The following MLLT10 variants were observed in gnomAD, a reference collection of about 807,000 sequenced individuals.
MLLT10 encodes the protein protein AF-10.
MLLT10 carries 30 observed loss-of-function variants against 129.1 expected under a neutral mutation model. The observed-to-expected ratio is 0.23, with a 90% CI of 0.17 to 0.32. The LOEUF is 0.32. Among genes scored for constraint, MLLT10 ranks in the 10% least tolerant of loss-of-function variants. The pLI, the probability that MLLT10 is intolerant of heterozygous loss-of-function variation, is 1.00. For missense variants in MLLT10, 1,119 were observed against 1,268.3 expected, an observed-to-expected ratio of 0.88 and a Z score of 1.79; for synonymous variants, 490 against 446.4, an observed-to-expected ratio of 1.10 and a Z score of -1.23.
chr10:21,665,177 C>T (rs1457289440), intron 9 of MLLT10, among the ~76,000 whole-genome samples: 1 of 151,648 alleles, frequency 6.6e-6, no homozygotes, highest in Non-Finnish European at 1.5e-5. Flanking sequence ...AACTCTTGGC[C>T]TCAAGTGATC....
chr10:21,629,228 C>G (rs2131260420), intron 8 of MLLT10, among the ~76,000 whole-genome samples: 1 of 152,092 alleles, frequency 6.6e-6, no homozygotes, highest in Middle Eastern at 3.4e-3. Flanking sequence ...ATAGCCTGGC[C>G]TCGGAAGTCA....
intron 22 of MLLT10, among the ~76,000 whole-genome samples, chr10:21,741,227 T>C (rs890520193): frequency 1.3e-5 from 2 of 152,162 alleles, no homozygotes; most frequent in Non-Finnish European, 2.9e-5. Context: ...TCTGCTGACA[T>C]GGACAGTTTT....
At chr10:21,707,174 C>G (rs2055594103) in intron 13 of MLLT10, among the ~76,000 whole-genome samples, 1 of 150,928 alleles carries the variant, frequency 6.6e-6, no homozygotes. Flanking sequence ...TCTAATTTGT[C>G]ATCAAGTTTA....
intron 3 of MLLT10, among the ~76,000 whole-genome samples, chr10:21,540,033 T>C (rs1283020369): frequency 6.6e-6 from 1 of 151,982 alleles, no homozygotes; most frequent in African/African-American, 2.4e-5. Flanking sequence ...GGCAGGAGGA[T>C]TGCTTGAGTC....
At chr10:21,713,642 T>G (rs1223033614) in intron 13 of MLLT10, 130 bp from the exon 14 acceptor site, 5 of 770,306 alleles carry the variant, frequency 6.5e-6, no homozygotes, top group Non-Finnish European at 9.8e-6. Context: ...GCACAATATT[T>G]TTTAAACAGC....
chr10:21,580,334 G>A (rs185249797), intron 3 of MLLT10, among the ~76,000 whole-genome samples: 1 of 151,256 alleles, frequency 6.6e-6, no homozygotes, highest in Admixed American at 6.6e-5. Flanking sequence ...ATAGAGAAAA[G>A]AAATCACTCA....
chr10:21,668,300 T>C (rs2183271), intron 9 of MLLT10, among the ~76,000 whole-genome samples: 61,669 of 151,916 alleles, frequency 0.41, 13,772 homozygotes, highest in African/African-American at 0.57. Context: ...TCCCACCTCC[T>C]TCTGGTCTCC....
At chr10:21,637,966 C>A (rs947463497) in intron 8 of MLLT10, among the ~76,000 whole-genome samples, 2 of 152,124 alleles carry the variant, frequency 1.3e-5, no homozygotes, top group South Asian at 2.1e-4. Context: ...ACCCCTGGTA[C>A]CTTTGAGTCC....
intron 12 of MLLT10, among the ~76,000 whole-genome samples, chr10:21,681,907 C>T (rs1311732308): frequency 6.6e-6 from 1 of 152,030 alleles, no homozygotes; most frequent in Non-Finnish European, 1.5e-5. Context: ...TCACTTTTAG[C>T]AAGACATTAC....
intron 7 of MLLT10, 40 bp from the exon 8 acceptor site, chr10:21,617,072 A>G (rs765997359): frequency 2.1e-6 from 2 of 943,772 alleles, no homozygotes. Context: ...AAAAAGTTTT[A>G]TATACATATA....
chr10:21,621,024 G>C (rs906738351), intron 8 of MLLT10, among the ~76,000 whole-genome samples: 1 of 151,422 alleles, frequency 6.6e-6, no homozygotes, highest in Non-Finnish European at 1.5e-5. Context: ...TTGCTCTGTT[G>C]CCTAGGCTGG....
intron 9 of MLLT10, among the ~76,000 whole-genome samples, chr10:21,660,307 C>G (rs1232870112): frequency 6.9e-6 from 1 of 144,606 alleles, no homozygotes; most frequent in African/African-American, 2.5e-5. Context: ...TTAATTGGCT[C>G]TTCTTTTTCT....
intron 9 of MLLT10, among the ~76,000 whole-genome samples, chr10:21,667,823 C>G (rs952293053): frequency 6.6e-6 from 1 of 151,918 alleles, no homozygotes; most frequent in Admixed American, 6.6e-5. Context: ...AATTTTGGAT[C>G]TAGTTTTAAA....
chr10:21,668,925 A>G, intron 9 of MLLT10: 3 of 1,277,030 alleles, frequency 2.3e-6, no homozygotes, highest in Non-Finnish European at 3.0e-6. Context: ...AGGTCATGCA[A>G]GGATCAGATG....
intron 15 of MLLT10, 147 bp downstream of exon 15, chr10:21,726,502 G>A: frequency 2.0e-6 from 1 of 505,588 alleles, no homozygotes; most frequent in East Asian, 3.1e-5. Flanking sequence ...GTTGGAAAAT[G>A]TTAAATATTT....
At chr10:21,673,316 A>ACCG in intron 10 of MLLT10, 34 bp from the exon 11 acceptor site, 1 of 119,778 alleles carries the variant, frequency 8.3e-6, no homozygotes, top group Non-Finnish European at 1.3e-5. Flanking sequence ...CCCACCCCCC[A>ACCG]ACTTTTTTTT....
chr10:21,679,986 G>A, intron 11 of MLLT10, among the ~76,000 whole-genome samples: 1 of 152,072 alleles, frequency 6.6e-6, no homozygotes, highest in Non-Finnish European at 1.5e-5. Context: ...TCCAGGATTA[G>A]CAAACCCAGG....
At chr10:21,563,136 C>T (rs2039075880) in intron 3 of MLLT10, among the ~76,000 whole-genome samples, 2 of 152,132 alleles carry the variant, frequency 1.3e-5, no homozygotes, top group Admixed American at 1.3e-4. Flanking sequence ...CTGCTTTCCT[C>T]CTGCCGCCAG....
chr10:21,611,011 T>C (rs1488474550), intron 5 of MLLT10, among the ~76,000 whole-genome samples: 11 of 149,288 alleles, frequency 7.4e-5, no homozygotes, highest in Non-Finnish European at 1.2e-4. Flanking sequence ...TTTTCCTTTT[T>C]TTGAGATGGA....
Sources: allele counts gnomAD v4.1 joint callset (sites outside exome capture counted in the v4.1 genomes callset), GRCh38; gene constraint gnomAD v4.1.1; transcripts MANE v1.5; gene names NCBI Gene and HGNC (gene_info 2026-07-23, HGNC 2026-07-21).